GPC5: variants seen among roughly 807,000 people sequenced by gnomAD.
GPC5 encodes the protein glypican 5, also known as glypican-5.
A neutral mutation model predicts 53.9 loss-of-function variants in GPC5; 47 were observed. The observed-to-expected ratio is 0.87, with a 90% CI of 0.69 to 1.11. The LOEUF is 1.11. GPC5 is among the 50% of genes most tolerant of loss of function. The pLI is 0.00. For synonymous variants in GPC5, 286 were observed against 263.3 expected (o/e 1.09, Z -0.84); for missense variants, 748 against 713.1 (o/e 1.05, Z -0.56).
chr13:92,341,016 C>G (rs1224977780), intron 7 of GPC5, among the ~76,000 whole-genome samples: 2 of 152,042 alleles, frequency 1.3e-5, no homozygotes, highest in African/African-American at 2.4e-5. Context: ...TACAGTCCAT[C>G]TTCATTTTTT....
chr13:92,646,037 T>C (rs1594378488), intron 7 of GPC5, among the ~76,000 whole-genome samples: 1 of 152,070 alleles, frequency 6.6e-6, no homozygotes, highest in Non-Finnish European at 1.5e-5. Flanking sequence ...TAAAGTCCAA[T>C]ATTTCTAATT....
chr13:92,419,587 A>T (rs1359175816), intron 7 of GPC5, among the ~76,000 whole-genome samples: 2 of 152,228 alleles, frequency 1.3e-5, no homozygotes, highest in East Asian at 3.8e-4. Context: ...CATATTATAT[A>T]CATAAACTCT....
intron 7 of GPC5, among the ~76,000 whole-genome samples, chr13:92,707,663 A>C (rs918169043): frequency 6.6e-6 from 1 of 151,876 alleles, no homozygotes; most frequent in South Asian, 2.1e-4. Context: ...TAAGAGCTAG[A>C]CTCCCTTTTC....
At position 92,041,982 on chromosome 13, in the gene GPC5, C is replaced by T. The variant is rs141184125; in HGVS notation, c.1402-102848C>T. Among the ~76,000 whole-genome samples, 169 of 152,226 alleles carry T rather than the reference C, an allele frequency of 1.1e-3. 3 individuals are homozygous for T. In the East Asian group the frequency reaches 0.027, roughly 24 times the overall value. On this transcript the variant is annotated intron_variant, in intron 6 of 7. Coordinates refer to ENST00000377067, the MANE Select transcript of GPC5 (RefSeq NM_004466.6). ...GTTTTCCTCCTCCCTCTGATAAGGG[C>T]GTCTCTACAGAGGCACCTGGAGATG...
At chr13:92,335,186 CCT>C (rs1471632609) in intron 7 of GPC5, among the ~76,000 whole-genome samples, 3 of 152,172 alleles carry the variant, frequency 2.0e-5, no homozygotes, top group Admixed American at 6.5e-5. Context: ...TTTCATACAT[CCT>C]CTGAAATCTA....
At chr13:91,570,202 G>A (rs191037248) in intron 2 of GPC5, among the ~76,000 whole-genome samples, 63 of 152,038 alleles carry the variant, frequency 4.1e-4, no homozygotes, top group African/African-American at 1.5e-3. Flanking sequence ...GAAAGTTAAT[G>A]TTTTTTTCTT....
chr13:92,859,379 ATTTCTC>A (rs1879108911), intron 7 of GPC5, among the ~76,000 whole-genome samples: 1 of 151,992 alleles, frequency 6.6e-6, no homozygotes, highest in Admixed American at 6.6e-5. Flanking sequence ...ATTTGAAAAA[ATTTCTC>A]TTTGTCTTTG....
At chr13:92,608,713 T>C (rs1473489011) in intron 7 of GPC5, among the ~76,000 whole-genome samples, 2 of 152,212 alleles carry the variant, frequency 1.3e-5, no homozygotes, top group Non-Finnish European at 2.9e-5. Context: ...ATCTGAGCTG[T>C]GTTCCTGCCC....
intron 7 of GPC5, among the ~76,000 whole-genome samples, chr13:92,785,043 G>A (rs1440803022): frequency 3.9e-5 from 6 of 152,152 alleles, no homozygotes; most frequent in South Asian, 2.1e-4. Flanking sequence ...TTGGGAGGCC[G>A]AGGCGTGTGG....
At chr13:91,972,396 C>G (rs1216366082) in intron 6 of GPC5, among the ~76,000 whole-genome samples, 2 of 152,146 alleles carry the variant, frequency 1.3e-5, no homozygotes, top group Non-Finnish European at 2.9e-5. Context: ...ATACAGCACA[C>G]TGATGGGTCT....
chr13:92,146,709 T>C (rs764859675), intron 7 of GPC5, among the ~76,000 whole-genome samples: 7 of 152,226 alleles, frequency 4.6e-5, no homozygotes, highest in African/African-American at 1.4e-4. Context: ...ATCATTCTTA[T>C]GCCTTTGCAT....
intron 7 of GPC5, among the ~76,000 whole-genome samples, chr13:92,762,865 T>C (rs1342329370): frequency 6.6e-6 from 1 of 152,058 alleles, no homozygotes; most frequent in Non-Finnish European, 1.5e-5. Context: ...TTAGAGATTC[T>C]TTCTTCTGCT....
intron 4 of GPC5, among the ~76,000 whole-genome samples, chr13:91,728,917 TG>T (rs1471886584): frequency 6.6e-6 from 1 of 152,104 alleles, no homozygotes; most frequent in Non-Finnish European, 1.5e-5. Flanking sequence ...AAGGTCATAT[TG>T]GGGGCCCTGG....
chr13:92,813,326 T>C (rs1266666482), intron 7 of GPC5, among the ~76,000 whole-genome samples: 1 of 151,996 alleles, frequency 6.6e-6, no homozygotes, highest in Non-Finnish European at 1.5e-5. Flanking sequence ...TTTTTAGTTC[T>C]GATTATGGTT....
chr13:91,929,608 G>T (rs2039801812), intron 6 of GPC5, among the ~76,000 whole-genome samples: 1 of 151,820 alleles, frequency 6.6e-6, no homozygotes, highest in Non-Finnish European at 1.5e-5. Context: ...TTTTTCACTT[G>T]ATTTAATTTC....
chr13:91,598,867 G>GA (rs1031021327), intron 2 of GPC5, among the ~76,000 whole-genome samples: 2 of 151,770 alleles, frequency 1.3e-5, no homozygotes, highest in Non-Finnish European at 2.9e-5. Flanking sequence ...GCTATATAAA[G>GA]AAAAATATTC....
chr13:92,843,042 G>A lies in GPC5; in HGVS notation c.1562-23240G>A, dbSNP rs2138835528. ...ATGTGCCAGACATTTTTCCTGCTTT[G>A]GAATTATAATTGTTCAAGAAGCAAT... On this transcript the variant is annotated intron_variant, in intron 7 of 7. Coordinates refer to ENST00000377067, the MANE Select transcript of GPC5 (RefSeq NM_004466.6). Among the ~76,000 whole-genome samples the A allele has an allele frequency of 7.2e-5, 11 of 152,100 alleles. 2 individuals carry two copies. In the Middle Eastern group the frequency reaches 0.027, roughly 376 times the overall value.
chr13:91,670,790 A>T (rs2035226828), intron 2 of GPC5, among the ~76,000 whole-genome samples: 1 of 152,212 alleles, frequency 6.6e-6, no homozygotes, highest in African/African-American at 2.4e-5. Flanking sequence ...CGGCTTCAGC[A>T]TTACTGTCTC....
chr13:91,578,539 A>G (rs2032224901), intron 2 of GPC5, among the ~76,000 whole-genome samples: 1 of 152,184 alleles, frequency 6.6e-6, no homozygotes, highest in African/African-American at 2.4e-5. Context: ...CAAATCTGAT[A>G]GTATGACCCT....
Sources: gnomAD v4.1 joint callset for allele counts (sites outside exome capture counted in the v4.1 genomes callset) on GRCh38, gnomAD v4.1.1 for gene constraint, MANE v1.5 for transcripts, NCBI Gene and HGNC (gene_info 2026-07-23, HGNC 2026-07-21) for gene names.